The following SLC35F4 variants were observed in gnomAD, a reference collection of about 807,000 sequenced individuals.
SLC35F4 encodes the protein solute carrier family 35 member F4, also known as chromosome 14 open reading frame 36.
In SLC35F4, 24 loss-of-function variants were observed where a neutral mutation model predicts 44.2. The observed-to-expected ratio is 0.54, with a 90% CI of 0.39 to 0.76. SLC35F4 has a LOEUF of 0.76. SLC35F4 is among the 30% of genes least tolerant of loss of function. The pLI is 0.00. For synonymous variants in SLC35F4, 238 were observed against 223.6 expected, an observed-to-expected ratio of 1.06 and a Z score of -0.57; for missense variants, 562 against 586.1, an observed-to-expected ratio of 0.96 and a Z score of 0.42.
intron 1 of SLC35F4, among the ~76,000 whole-genome samples, chr14:57,716,057 A>G (rs1386098529): frequency 6.6e-6 from 1 of 152,214 alleles, no homozygotes; most frequent in African/African-American, 2.4e-5. Context: ...GGAAAATAAG[A>G]ACCTACAGTG....
intron 1 of SLC35F4, among the ~76,000 whole-genome samples, chr14:57,776,665 C>CAAAAAAAAAAAAAAAAAAAAAAAAAA (rs57272978): frequency 1.4e-5 from 1 of 72,072 alleles, no homozygotes; most frequent in African/African-American, 4.6e-5. Flanking sequence ...GACTCCATCT[C>CAAAAAAAAAAAAAAAAAAAAAAAAAA]AAAAAAAAAA....
At chr14:57,596,759 T>G in intron 1 of SLC35F4, 1 of 1,359,114 alleles carries the variant, frequency 7.4e-7, no homozygotes, top group African/African-American at 1.5e-5. Context: ...TTATCTTCCT[T>G]TCTCATTTTC....
At chr14:57,666,497 G>T (rs1037133229) in intron 1 of SLC35F4, among the ~76,000 whole-genome samples, 6 of 152,130 alleles carry the variant, frequency 3.9e-5, no homozygotes, top group Non-Finnish European at 8.8e-5. Context: ...CCCAGATGAG[G>T]TGAGGATACT....
intron 1 of SLC35F4, among the ~76,000 whole-genome samples, chr14:57,783,466 G>T (rs2077679149): frequency 6.6e-6 from 1 of 152,168 alleles, no homozygotes; most frequent in Non-Finnish European, 1.5e-5. Flanking sequence ...TTTAAGGCAG[G>T]AAGGAATGGG....
chr14:57,664,582 G>C (rs1440950472), intron 1 of SLC35F4, among the ~76,000 whole-genome samples: 1 of 151,862 alleles, frequency 6.6e-6, no homozygotes, highest in East Asian at 1.9e-4. Context: ...CTAATTTTTT[G>C]GCATTTTTAG....
chr14:57,975,966 G>A (rs1566522929), downstream of SLC35F4, among the ~76,000 whole-genome samples: 1 of 151,494 alleles, frequency 6.6e-6, no homozygotes, highest in East Asian at 1.9e-4. Flanking sequence ...TTGTAGTGTT[G>A]CAAGGAGGGA....
intron 1 of SLC35F4, among the ~76,000 whole-genome samples, chr14:57,849,910 T>C (rs1886406432): frequency 1.3e-5 from 2 of 152,182 alleles, no homozygotes; most frequent in Middle Eastern, 3.2e-3. Context: ...TGAGGAAACT[T>C]TGGAAACCAG....
At chr14:57,735,744 A>G (rs2076448470) in intron 1 of SLC35F4, among the ~76,000 whole-genome samples, 1 of 150,104 alleles carries the variant, frequency 6.7e-6, no homozygotes, top group Non-Finnish European at 1.5e-5. Flanking sequence ...TTTTTTAAAG[A>G]CAGAGCTTCA....
chr14:57,587,261 C>A (rs1190311), intron 3 of SLC35F4, among the ~76,000 whole-genome samples: 43,133 of 152,066 alleles, frequency 0.28, 6,564 homozygotes, highest in East Asian at 0.65. Flanking sequence ...TTTGACTCAG[C>A]AATCCCATAA....
intron 1 of SLC35F4, among the ~76,000 whole-genome samples, chr14:57,681,018 T>C (rs541588829): frequency 1.3e-5 from 2 of 151,434 alleles, no homozygotes; most frequent in South Asian, 4.2e-4. Context: ...GGAAAAAAAC[T>C]ACCTTTAAAT....
At chr14:57,920,057 G>C (rs1889412003) in intron 1 of SLC35F4, among the ~76,000 whole-genome samples, 1 of 152,124 alleles carries the variant, frequency 6.6e-6, no homozygotes, top group African/African-American at 2.4e-5. Context: ...CTGTGAGATG[G>C]ATAGAGACAC....
chr14:57,755,774 C>T (rs1346051727), intron 1 of SLC35F4, among the ~76,000 whole-genome samples: 1 of 152,148 alleles, frequency 6.6e-6, no homozygotes, highest in Non-Finnish European at 1.5e-5. Context: ...TTTGACCTCA[C>T]AATGATCCCG....
chr14:57,799,774 G>A (rs957438348), intron 1 of SLC35F4, among the ~76,000 whole-genome samples: 5 of 152,056 alleles, frequency 3.3e-5, no homozygotes, highest in Non-Finnish European at 5.9e-5. Context: ...GCAGGATCCC[G>A]ATCCATTCCT....
intron 1 of SLC35F4, among the ~76,000 whole-genome samples, chr14:57,962,481 G>T (rs1292942367): frequency 6.6e-6 from 1 of 152,166 alleles, no homozygotes; most frequent in Non-Finnish European, 1.5e-5. Context: ...ATTAGGAAAA[G>T]GAGCCCCTTC....
intron 3 of SLC35F4, among the ~76,000 whole-genome samples, chr14:57,582,910 G>T (rs1161057730): frequency 1.3e-5 from 2 of 152,194 alleles, no homozygotes; most frequent in South Asian, 2.1e-4. Context: ...TAGCCTTAAA[G>T]ATTAAGTTTC....
At chr14:57,804,480 A>G (rs1178655933) in intron 1 of SLC35F4, among the ~76,000 whole-genome samples, 1 of 152,184 alleles carries the variant, frequency 6.6e-6, no homozygotes, top group Non-Finnish European at 1.5e-5. Context: ...ACCTACAACC[A>G]TCTGATCTTC....
intron 1 of SLC35F4, among the ~76,000 whole-genome samples, chr14:57,595,503 T>C (rs951565038): frequency 4.6e-5 from 7 of 152,068 alleles, no homozygotes; most frequent in African/African-American, 1.7e-4. Flanking sequence ...GAAGAGAGGG[T>C]GCTAAGCCTC....
intron 1 of SLC35F4, among the ~76,000 whole-genome samples, chr14:57,827,721 C>A (rs1051472001): frequency 4.0e-5 from 6 of 151,350 alleles, no homozygotes; most frequent in African/African-American, 1.5e-4. Flanking sequence ...ACAATAGAAG[C>A]CAATACTTTG....
At chr14:57,690,367 G>A (rs1445286694) in intron 1 of SLC35F4, among the ~76,000 whole-genome samples, 1 of 152,152 alleles carries the variant, frequency 6.6e-6, no homozygotes, top group African/African-American at 2.4e-5. Context: ...TGGTGAAGTA[G>A]GACAAAAATT....
Sources: allele counts gnomAD v4.1 joint callset (sites outside exome capture counted in the v4.1 genomes callset), GRCh38; gene constraint gnomAD v4.1.1; transcripts MANE v1.5; gene names NCBI Gene and HGNC (gene_info 2026-07-23, HGNC 2026-07-21).